PVT1: variants seen among roughly 807,000 people sequenced by gnomAD.
The protein encoded by PVT1 is Pvt1 oncogene.
chr8:127,924,204 A>G (rs1344518933), intron 3 of PVT1, among the ~76,000 whole-genome samples: 2 of 152,144 alleles, frequency 1.3e-5, no homozygotes, highest in Non-Finnish European at 2.9e-5. Context: ...GGGATCCATC[A>G]TTGCTGGTGT....
intron 3 of PVT1, among the ~76,000 whole-genome samples, chr8:127,894,581 T>C (rs1230835950): frequency 6.6e-6 from 1 of 152,226 alleles, no homozygotes; most frequent in African/African-American, 2.4e-5. Flanking sequence ...GATTTCATGT[T>C]ATAGATAAGA....
chr8:127,857,850 A>G (rs1276938010), intron 2 of PVT1, among the ~76,000 whole-genome samples: 1 of 152,214 alleles, frequency 6.6e-6, no homozygotes, highest in African/African-American at 2.4e-5. Flanking sequence ...TGGATATTAA[A>G]TCATTTGTGT....
At chr8:127,952,336 C>T (rs1253415245) in intron 3 of PVT1, among the ~76,000 whole-genome samples, 3 of 152,166 alleles carry the variant, frequency 2.0e-5, no homozygotes, top group Non-Finnish European at 4.4e-5. Context: ...ACCTGTTAAA[C>T]TGTCTAAGAA....
At chr8:128,054,408 A>G (rs148190786) in intron 4 of PVT1, among the ~76,000 whole-genome samples, 265 of 152,328 alleles carry the variant, frequency 1.7e-3, no homozygotes, top group African/African-American at 6.0e-3. Flanking sequence ...AGTTCTTTGC[A>G]GAACAGCAAG....
In PVT1 at chr8:127,984,989, TTC is replaced by T. The variant is rs1311690641; in HGVS notation, n.783-4169_783-4168del. ...CTCCCTCCTTCCTTCCTTTCTTTCT[TTC>T]TCTTTCCTTCCTTCCTTCCTTCCTT... On this transcript the variant is annotated intron_variant and non_coding_transcript_variant, in intron 3 of 10. Transcript: ENST00000651587. 1.6e-4 allele frequency among the ~76,000 whole-genome samples: 18 copies of T among 109,190 alleles called. 3 individuals are homozygous for T. Among genetic ancestry groups the T allele is most frequent in the African/African-American group, 7.3e-4 (18 of 24,734 alleles). 71.6% of individuals were successfully genotyped at this position (109,190 alleles called of 152,430 possible).
intron 3 of PVT1, among the ~76,000 whole-genome samples, chr8:127,903,248 G>A (rs777738088): frequency 1.2e-4 from 18 of 152,132 alleles, no homozygotes; most frequent in South Asian, 4.1e-4. Flanking sequence ...AGCAGTGTCC[G>A]TCCTTGTGCT....
chr8:127,881,010 G>A (rs1815461223), intron 2 of PVT1, among the ~76,000 whole-genome samples: 1 of 152,212 alleles, frequency 6.6e-6, no homozygotes. Context: ...ATGGCTCTAA[G>A]CAATGTACCT....
chr8:128,082,433 C>T (rs369366931), intron 5 of PVT1, among the ~76,000 whole-genome samples: 1 of 152,190 alleles, frequency 6.6e-6, no homozygotes. Context: ...GTGATCTTAA[C>T]CTTGTGACTT....
Position 127,898,998 on chromosome 8 carries a change from A to C in PVT1, n.782+8000A>C, listed in dbSNP as rs1815725483. 6.6e-6 allele frequency among the ~76,000 whole-genome samples: 1 copy of C among 152,114 alleles called. No individual in the cohort carries two copies. ...ACAGCTGTTGGTGGTCAGGTCTCTG[A>C]GTCACTCAGTAGCTTGGGACTGGGT... On this transcript the variant is annotated intron_variant and non_coding_transcript_variant, in intron 3 of 10. Coordinates refer to ENST00000651587, the Ensembl canonical transcript of PVT1. This position sits in a 1 kb window ranked among gnomAD's most constrained non-coding sequence, Gnocchi z 4.4.
intron 4 of PVT1, among the ~76,000 whole-genome samples, chr8:127,995,849 GA>G (rs1215273577): frequency 1.3e-5 from 2 of 152,202 alleles, no homozygotes; most frequent in African/African-American, 4.8e-5. Context: ...TCTTCCTGCG[GA>G]ACGTATGTGA....
At chr8:127,916,716 G>A (rs1432618709) in intron 3 of PVT1, among the ~76,000 whole-genome samples, 1 of 152,198 alleles carries the variant, frequency 6.6e-6, no homozygotes, top group African/African-American at 2.4e-5. Context: ...AGGGAGAACT[G>A]GCCTTCCTGG....
chr8:128,002,968 T>TTC (rs1554603603), intron 4 of PVT1, among the ~76,000 whole-genome samples: 8 of 84,602 alleles, frequency 9.5e-5, no homozygotes, highest in African/African-American at 2.3e-4. Context: ...CCTCCCTCCC[T>TTC]CTTCCTTCCT....
At chr8:127,847,904 A>AT (rs796831670) in intron 2 of PVT1, among the ~76,000 whole-genome samples, 124 of 149,858 alleles carry the variant, frequency 8.3e-4, no homozygotes, top group African/African-American at 2.6e-3. Flanking sequence ...CATGAAGAAG[A>AT]TTTTTTTTTT....
chr8:127,955,585 C>T (rs1047123877), intron 3 of PVT1, among the ~76,000 whole-genome samples: 1 of 151,760 alleles, frequency 6.6e-6, no homozygotes, highest in African/African-American at 2.4e-5. Flanking sequence ...CCTCCCCTCC[C>T]CTGCCCTCCC....
At chr8:128,034,308 G>A (rs1813434840) in intron 4 of PVT1, among the ~76,000 whole-genome samples, 1 of 152,122 alleles carries the variant, frequency 6.6e-6, no homozygotes, top group African/African-American at 2.4e-5. Context: ...TCTCTGCAAG[G>A]ACTGGTATTC....
chr8:127,872,402 G>A (rs1815360686), intron 2 of PVT1, among the ~76,000 whole-genome samples: 2 of 152,204 alleles, frequency 1.3e-5, no homozygotes, highest in African/African-American at 4.8e-5. Context: ...GGCAGAGAGA[G>A]TATCCGTCTC....
At chr8:127,932,261 G>T (rs3739380) in intron 3 of PVT1, among the ~76,000 whole-genome samples, 39,569 of 152,120 alleles carry the variant, frequency 0.26, 6,222 homozygotes, top group Middle Eastern at 0.4. Context: ...GAGGCAGGGG[G>T]TCCATGTTTC....
intron 2 of PVT1, among the ~76,000 whole-genome samples, chr8:127,861,465 GATCACCCGTAATT>G (rs1235841845): frequency 2.0e-5 from 3 of 152,054 alleles, no homozygotes; most frequent in African/African-American, 4.8e-5. Flanking sequence ...ATCAAATATA[GATCACCCGTAATT>G]ATCACCCATC....
chr8:128,051,631 A>AT (rs1287126399), intron 4 of PVT1, among the ~76,000 whole-genome samples: 5 of 147,262 alleles, frequency 3.4e-5, no homozygotes, highest in South Asian at 2.2e-4. Flanking sequence ...TTTCTTTTTC[A>AT]TTTTTTTTTC....
Sources: allele counts gnomAD v4.1 joint callset (sites outside exome capture counted in the v4.1 genomes callset), GRCh38; gene constraint gnomAD v4.1.1; non-coding constraint Gnocchi (gnomAD v3.1); transcripts MANE v1.5; gene names NCBI Gene and HGNC (gene_info 2026-07-23, HGNC 2026-07-21).